Variants in SMIM19 observed in about 807,000 individuals in gnomAD.
SMIM19 encodes small integral membrane protein 19, also known as UPF0697 protein C8orf40.
Under a neutral mutation model 13.2 loss-of-function variants are expected in SMIM19, and 6 were observed. That is an observed-to-expected ratio of 0.45 (90% CI 0.25 to 0.90). The LOEUF (loss-of-function observed/expected upper bound fraction) is 0.90. Ranked by LOEUF, SMIM19 falls within the 40% of genes least tolerant of loss-of-function variation. SMIM19 has a pLI of 0.19. For synonymous variants in SMIM19, 46 were observed against 43.1 expected, an observed-to-expected ratio of 1.07 and a Z score of -0.27; for missense variants, 138 against 131.0, an observed-to-expected ratio of 1.05 and a Z score of -0.26.
At chr8:42,545,072 AT>A (rs1301747957) in intron 1 of SMIM19, among the ~76,000 whole-genome samples, 1 of 152,180 alleles carries the variant, frequency 6.6e-6, no homozygotes, top group Non-Finnish European at 1.5e-5. Context: ...TATCACTTAT[AT>A]TTGTCCATTT....
Position 42,548,540 on chromosome 8 carries a change from A to C in SMIM19, c.135-116A>C, listed in dbSNP as rs771854896. On this transcript the variant is annotated intron_variant, in intron 2 of 3. Coordinates refer to ENST00000417410, the MANE Select transcript of SMIM19 (RefSeq NM_001135674.2). ...CTCTCAAAGACAAAATAGAAAGTAA[A>C]ATGGTCTTGTCATTTAAGTCCTTTT... 7.4e-6 allele frequency: 10 copies of C among 1,342,838 alleles called. No individual in the cohort carries two copies. In the East Asian group the frequency reaches 2.4e-4, roughly 32 times the overall value. 83.2% of individuals were successfully genotyped at this position (1,342,838 alleles called of 1,614,324 possible).
In SMIM19 at chr8:42,548,722, C is replaced by A. The variant is rs769298617; in HGVS notation, c.201C>A (p.Asn67Lys). The change falls in exon 3 of 4, where the codon AAC becomes AAA. Residue 67 changes from asparagine (N) to lysine (K), a missense_variant. Transcript: ENST00000417410. ...CAGAGGAAACTTTGTCAGAGCCCAA[C>A]TTTTATGACACGATAAGCAAGATTC... ...PPTEETLSEP[N>K]FYDTISKIRL... is the part of the protein sequence containing the mutation. 9.3e-6 allele frequency: 15 copies of A among 1,613,890 alleles called. No individual in the cohort carries two copies. The highest frequency in any genetic ancestry group is 1.3e-5 in the Non-Finnish European group (15 of 1,179,908).
intron 2 of SMIM19, among the ~76,000 whole-genome samples, chr8:42,547,963 C>T (rs550931897): frequency 5.9e-5 from 9 of 152,252 alleles, no homozygotes; most frequent in Admixed American, 1.3e-4. Context: ...ATTAGTAATC[C>T]AGAAATAATT....
intron 1 of SMIM19, among the ~76,000 whole-genome samples, chr8:42,545,516 C>T (rs1315971087): frequency 1.3e-5 from 2 of 152,040 alleles, no homozygotes; most frequent in African/African-American, 4.8e-5. Context: ...AGCAGCACAG[C>T]CAGGTGTTGA....
intron 2 of SMIM19, among the ~76,000 whole-genome samples, chr8:42,547,110 C>A (rs1260909153): frequency 6.6e-6 from 1 of 152,158 alleles, no homozygotes; most frequent in Non-Finnish European, 1.5e-5. Context: ...CCTGTAATCC[C>A]AGCATTTTGG....
At chr8:42,542,418 G>C (rs1813278537) in intron 1 of SMIM19, 45 bp downstream of exon 1, 1 of 985,212 alleles carries the variant, frequency 1.0e-6, no homozygotes, top group Non-Finnish European at 1.2e-6. Context: ...TAGTGTTTCA[G>C]AGGGATGAGA....
At chr8:42,549,778 A>G (rs925399241) in intron 3 of SMIM19, among the ~76,000 whole-genome samples, 13 of 152,274 alleles carry the variant, frequency 8.5e-5, no homozygotes, top group African/African-American at 2.4e-4. Context: ...TTAAAGAAAC[A>G]TAAGTATTGT....
At chr8:42,543,402 C>G (rs1008197342) in intron 1 of SMIM19, among the ~76,000 whole-genome samples, 1 of 152,156 alleles carries the variant, frequency 6.6e-6, no homozygotes, top group Non-Finnish European at 1.5e-5. Flanking sequence ...AAAGGCCTCC[C>G]CTCTGCAAAT....
chr8:42,546,497 G>A lies in SMIM19; in HGVS notation c.25G>A (p.Gly9Ser), dbSNP rs1813490465. ...CATGGCTGGGGGTTATGGAGTGATG[G>A]GTGACGATGGTTCTATTGATTATAC... MAGGYGVM[G>S]DDGSIDYTVH... Residue 9 changes from glycine (G) to serine (S), a missense_variant, in exon 2 of 4, where the codon GGT becomes AGT. Physicochemically the swap from Gly to Ser is moderately conservative, Grantham distance 56 (BLOSUM62 0). Coordinates refer to ENST00000417410, the MANE Select transcript of SMIM19 (RefSeq NM_001135674.2). 1 of 1,613,298 alleles carries A rather than the reference G, an allele frequency of 6.2e-7. No individual in the cohort carries two copies. Among genetic ancestry groups the A allele is most frequent in the African/African-American group, 1.3e-5 (1 of 74,868 alleles).
At chr8:42,545,142 C>T (rs771707209) in intron 1 of SMIM19, among the ~76,000 whole-genome samples, 3 of 152,182 alleles carry the variant, frequency 2.0e-5, no homozygotes, top group Non-Finnish European at 4.4e-5. Context: ...CATATTAGGT[C>T]ATTTTACTTA....
chr8:42,546,415 A>G, intron 1 of SMIM19, 54 bp from the exon 2 acceptor site: 7 of 1,527,118 alleles, frequency 4.6e-6, no homozygotes, highest in Non-Finnish European at 6.1e-6. Flanking sequence ...CCTTCTCCAG[A>G]CAGTGCTACC....
intron 1 of SMIM19, 117 bp downstream of exon 1, chr8:42,542,490 G>A: frequency 1.0e-6 from 1 of 984,768 alleles, no homozygotes; most frequent in Non-Finnish European, 1.2e-6. Context: ...GAACTAAGTG[G>A]TTCCAATGTG....
Position 42,552,649 on chromosome 8 carries a change from C to G in SMIM19, c.*41C>G. The G allele has an allele frequency of 6.3e-7, 1 of 1,591,106 alleles. No individual in the cohort carries two copies. Among genetic ancestry groups the G allele is most frequent in the Non-Finnish European group, 8.6e-7 (1 of 1,161,762 alleles). On this transcript the variant is annotated 3_prime_UTR_variant, in exon 4 of 4. Transcript: ENST00000417410. ...GCAACAGAAGTAATTGTTTCAAGCT[C>G]CTGATTCTTTCTACTAAATCATGAA...
intron 1 of SMIM19, among the ~76,000 whole-genome samples, chr8:42,545,142 C>A (rs771707209): frequency 6.6e-6 from 1 of 152,182 alleles, no homozygotes; most frequent in Non-Finnish European, 1.5e-5. Context: ...CATATTAGGT[C>A]ATTTTACTTA....
chr8:42,550,966 T>C (rs193181582), intron 3 of SMIM19, among the ~76,000 whole-genome samples: 137 of 152,114 alleles, frequency 9.0e-4, no homozygotes, highest in African/African-American at 3.1e-3. Context: ...GCTACAAAAA[T>C]CTGGATCTAC....
chr8:42,546,516 A>G lies in SMIM19; in HGVS notation c.44A>G (p.Asp15Gly). Residue 15 changes from aspartate to glycine, a missense_variant, in exon 2 of 4, where the codon GAT becomes GGT. Asp to Gly is a moderately conservative substitution (Grantham distance 94). Coordinates refer to ENST00000417410, the MANE Select transcript of SMIM19 (RefSeq NM_001135674.2). ...GTGATGGGTGACGATGGTTCTATTG[A>G]TTATACTGTTCACGAAGCCTGGAAT... is the stretch of plus-strand genomic sequence containing the variant. ...YGVMGDDGSI[D>G]YTVHEAWNEA... 1 of 1,614,164 alleles carries G rather than the reference A, an allele frequency of 6.2e-7. No individual in the cohort carries two copies. Among genetic ancestry groups the G allele is most frequent in the Non-Finnish European group, 8.5e-7 (1 of 1,180,034 alleles).
rs535385896 is a variant in SMIM19 at position 42,546,391 on chromosome 8, A to G, written c.-4-78A>G. ...GTGGACTGGATTTGGCCAGCAGGCCATATGTTTGCCAACCCTTCTCCAGAC... is the reference window on the plus strand; with the variant it reads ...GTGGACTGGATTTGGCCAGCAGGCCGTATGTTTGCCAACCCTTCTCCAGAC... On this transcript the variant is annotated intron_variant, in intron 1 of 3. Coordinates refer to ENST00000417410, the MANE Select transcript of SMIM19 (RefSeq NM_001135674.2). 64 of 1,483,650 alleles carry G rather than the reference A, an allele frequency of 4.3e-5. No homozygotes were observed. The South Asian group carries it at 8.0e-4, about 18-fold the overall frequency. The allele number at this position is 1,483,650 out of a possible 1,614,324, so 91.9% of individuals were successfully genotyped here.
Position 42,542,027 on chromosome 8 carries a change from C to T in SMIM19, c.-351C>T, listed in dbSNP as rs1338545835. ...CAGCCTGCGGGCGGCGGAAACGTCC[C>T]TAGAGCCTCGCCGCCCTGGGACCCG... On this transcript the variant is annotated 5_prime_UTR_variant, in exon 1 of 4. Coordinates refer to ENST00000417410, the MANE Select transcript of SMIM19 (RefSeq NM_001135674.2). 1.3e-5 allele frequency: 2 copies of T among 152,252 alleles called. No individual in the cohort carries two copies. The highest frequency in any genetic ancestry group is 4.8e-5 in the African/African-American group (2 of 41,460). The allele number at this position is 152,252 out of a possible 1,614,324, so 9.4% of individuals were successfully genotyped here. A position where few individuals can be genotyped will look rare whatever the true frequency, so the allele number is the denominator to read the frequency against.
chr8:42,548,737 AAGC>A lies in SMIM19; in HGVS notation c.218_220del (p.Ser73del), dbSNP rs1813569228. 1.2e-6 allele frequency: 2 copies of A among 1,613,850 alleles called. No individual in the cohort carries two copies. Among genetic ancestry groups the A allele is most frequent in the East Asian group, 2.2e-5 (1 of 44,856 alleles). On this transcript the variant is annotated inframe_deletion, in exon 3 of 4. Coordinates refer to ENST00000417410, the MANE Select transcript of SMIM19 (RefSeq NM_001135674.2). Reference sequence around the variant, plus strand: ...CAGAGCCCAACTTTTATGACACGATAAGCAAGATTCGTTTAAGACAACAACTGG... The same window carrying A: ...CAGAGCCCAACTTTTATGACACGATAAAGATTCGTTTAAGACAACAACTGG...
Sources: allele counts gnomAD v4.1 joint callset (sites outside exome capture counted in the v4.1 genomes callset), GRCh38; gene constraint gnomAD v4.1.1; transcripts MANE v1.5; gene names NCBI Gene and HGNC (gene_info 2026-07-23, HGNC 2026-07-21).